KCNMA1: variants seen among roughly 807,000 people sequenced by gnomAD.
The protein encoded by KCNMA1 is potassium calcium-activated channel subfamily M alpha 1, also known as Calcium-activated potassium channel subunit alpha-1.
A neutral mutation model predicts 140.0 loss-of-function variants in KCNMA1; 29 were observed. That is an observed-to-expected ratio of 0.21 (90% CI 0.15 to 0.28). The LOEUF (loss-of-function observed/expected upper bound fraction) is 0.28, where lower values mean the gene tolerates loss of function less well. Ranked by LOEUF, KCNMA1 falls within the 10% of genes least tolerant of loss-of-function variation. The pLI, the probability that KCNMA1 is intolerant of heterozygous loss-of-function variation, is 1.00. For synonymous variants in KCNMA1, 612 were observed against 611.9 expected, an observed-to-expected ratio of 1.00 and a Z score of 0.00; for missense variants, 880 against 1,602.2, an observed-to-expected ratio of 0.55 and a Z score of 7.70.
At chr10:77,050,740 A>G (rs2095332564) in intron 14 of KCNMA1, among the ~76,000 whole-genome samples, 1 of 152,226 alleles carries the variant, frequency 6.6e-6, no homozygotes, top group African/African-American at 2.4e-5. Context: ...ACGGTGAAGA[A>G]TAAGGGGCAA....
intron 3 of KCNMA1, among the ~76,000 whole-genome samples, chr10:77,191,181 T>G (rs940566162): frequency 3.9e-5 from 6 of 152,150 alleles, no homozygotes; most frequent in African/African-American, 1.4e-4. Context: ...CAGAATATTA[T>G]GAGACAGACT....
At chr10:77,261,757 G>T (rs2062063226) in intron 2 of KCNMA1, among the ~76,000 whole-genome samples, 1 of 152,166 alleles carries the variant, frequency 6.6e-6, no homozygotes, top group Admixed American at 6.5e-5. Context: ...CGATGCACTG[G>T]CAAGCATGAT....
chr10:77,576,697 A>G (rs564404945), intron 1 of KCNMA1, among the ~76,000 whole-genome samples: 1 of 152,302 alleles, frequency 6.6e-6, no homozygotes, highest in East Asian at 1.9e-4. Flanking sequence ...TGGAACAAGA[A>G]GACTGCAAAG....
chr10:77,348,524 C>T (rs2092481133), intron 2 of KCNMA1, among the ~76,000 whole-genome samples: 2 of 152,126 alleles, frequency 1.3e-5, no homozygotes, highest in South Asian at 4.1e-4. Context: ...TGGAACAGTC[C>T]TGGGAAGCTG....
chr10:77,436,481 GA>G (rs2097264616), intron 1 of KCNMA1, among the ~76,000 whole-genome samples: 1 of 152,240 alleles, frequency 6.6e-6, no homozygotes, highest in African/African-American at 2.4e-5. Flanking sequence ...GCAGAGAAAG[GA>G]AGGGGAGGGA....
At chr10:77,008,110 A>G in intron 18 of KCNMA1, 2 of 1,398,006 alleles carry the variant, frequency 1.4e-6, no homozygotes, top group Non-Finnish European at 1.9e-6. Context: ...CTGTACAGAA[A>G]ATTAAAAGAG....
chr10:77,303,158 G>C (rs573298505), intron 2 of KCNMA1, among the ~76,000 whole-genome samples: 1 of 152,320 alleles, frequency 6.6e-6, no homozygotes, highest in African/African-American at 2.4e-5. Context: ...GCATTTAGAA[G>C]AGTGGACAGA....
chr10:77,027,012 G>A (rs2093518033), intron 16 of KCNMA1, among the ~76,000 whole-genome samples: 1 of 152,178 alleles, frequency 6.6e-6, no homozygotes, highest in Non-Finnish European at 1.5e-5. Context: ...GACTGTGGGT[G>A]TCATTTCAGA....
At chr10:77,171,400 C>CGTGTGT (rs60927086) in intron 5 of KCNMA1, among the ~76,000 whole-genome samples, 2,078 of 128,988 alleles carry the variant, frequency 0.016, 32 homozygotes, top group African/African-American at 0.034. Flanking sequence ...TGTGTGTGTG[C>CGTGTGT]GTGTGTGTGT....
intron 3 of KCNMA1, among the ~76,000 whole-genome samples, chr10:77,242,471 C>T (rs2057510042): frequency 6.6e-6 from 1 of 152,164 alleles, no homozygotes; most frequent in South Asian, 2.1e-4. Context: ...ATCTCCCCTA[C>T]AGCCAAAACA....
At chr10:77,177,309 TCTTTC>T (rs2098759642) in intron 5 of KCNMA1, among the ~76,000 whole-genome samples, 1 of 150,156 alleles carries the variant, frequency 6.7e-6, no homozygotes, top group Non-Finnish European at 1.5e-5. Flanking sequence ...TTCTTTCTTT[TCTTTC>T]CTTCCTTTTA....
At chr10:76,887,773 G>A (rs750129145) in intron 27 of KCNMA1, 37 of 514,350 alleles carry the variant, frequency 7.2e-5, no homozygotes, top group Non-Finnish European at 1.1e-4. Flanking sequence ...ACCAAACTTC[G>A]CTTCTCGTGG....
intron 14 of KCNMA1, among the ~76,000 whole-genome samples, chr10:77,042,217 T>C (rs2094756881): frequency 6.6e-6 from 1 of 151,134 alleles, no homozygotes; most frequent in Non-Finnish European, 1.5e-5. Context: ...CTAAATGGTA[T>C]GATTTTAAAA....
intron 23 of KCNMA1, among the ~76,000 whole-genome samples, chr10:76,916,016 A>AC (rs2052693079): frequency 7.0e-6 from 1 of 141,900 alleles, no homozygotes; most frequent in African/African-American, 2.9e-5. Context: ...TTATACACAT[A>AC]AACACACACA....
chr10:77,516,769 G>A (rs559909098), intron 1 of KCNMA1, among the ~76,000 whole-genome samples: 1 of 152,336 alleles, frequency 6.6e-6, no homozygotes, highest in South Asian at 2.1e-4. Context: ...AGGGCCCCCT[G>A]TGCAAGTGTA....
At chr10:77,624,406 C>CT (rs1162676254) in intron 1 of KCNMA1, among the ~76,000 whole-genome samples, 1 of 151,310 alleles carries the variant, frequency 6.6e-6, no homozygotes, top group Non-Finnish European at 1.5e-5. Context: ...ATTTCTGAGA[C>CT]TTTTTTTTTA....
intron 1 of KCNMA1, among the ~76,000 whole-genome samples, chr10:77,542,035 T>C (rs1243734412): frequency 6.6e-6 from 1 of 152,194 alleles, no homozygotes. Context: ...AATTTATATG[T>C]AGCAATTTTA....
chr10:77,093,082 C>T (rs2096851826), intron 9 of KCNMA1, among the ~76,000 whole-genome samples: 1 of 152,116 alleles, frequency 6.6e-6, no homozygotes, highest in African/African-American at 2.4e-5. Context: ...TAGACAAATG[C>T]TGGCAAGAGT....
At chr10:77,556,099 T>A (rs761304744) in intron 1 of KCNMA1, among the ~76,000 whole-genome samples, 1 of 152,204 alleles carries the variant, frequency 6.6e-6, no homozygotes, top group Non-Finnish European at 1.5e-5. Context: ...TCAGTTCCCC[T>A]TTCTGCCAGT....
Sources: allele counts gnomAD v4.1 joint callset (sites outside exome capture counted in the v4.1 genomes callset), GRCh38; gene constraint gnomAD v4.1.1; transcripts MANE v1.5; gene names NCBI Gene and HGNC (gene_info 2026-07-23, HGNC 2026-07-21).